BMP8B: variants seen among roughly 807,000 people sequenced by gnomAD.
BMP8B encodes bone morphogenetic protein 8b.
Under a neutral mutation model 30.3 loss-of-function variants are expected in BMP8B, and 17 were observed. The observed-to-expected ratio is 0.56, with a 90% CI of 0.38 to 0.84. The LOEUF is 0.84. Among genes scored for constraint, BMP8B ranks in the 40% least tolerant of loss-of-function variants. The pLI, the probability that BMP8B is intolerant of heterozygous loss-of-function variation, is 0.00. For synonymous variants in BMP8B, 131 were observed against 214.7 expected, an observed-to-expected ratio of 0.61 and a Z score of 3.41; for missense variants, 253 against 494.6, an observed-to-expected ratio of 0.51 and a Z score of 4.63.
intron 4 of BMP8B, among the ~76,000 whole-genome samples, chr1:39,764,106 G>A (rs1474886238): frequency 6.6e-6 from 1 of 151,450 alleles, no homozygotes; most frequent in Non-Finnish European, 1.5e-5. Context: ...CCTCTCTGGA[G>A]ACCCCTGTGA....
chr1:39,781,537 A>C (rs941437829), intron 1 of BMP8B, among the ~76,000 whole-genome samples: 3 of 152,260 alleles, frequency 2.0e-5, no homozygotes, highest in Non-Finnish European at 4.4e-5. Context: ...AGAGCATTAA[A>C]TAAATTAGAC....
At chr1:39,768,220 C>T (rs530502635) in intron 3 of BMP8B, among the ~76,000 whole-genome samples, 1 of 149,746 alleles carries the variant, frequency 6.7e-6, no homozygotes, top group African/African-American at 2.4e-5. Context: ...AGAGGAGGGC[C>T]TAAGTGTCTG....
At position 39,762,425 on chromosome 1, in the gene BMP8B, G is replaced by A. The variant is rs565435175; in HGVS notation, c.1059+667C>T. On this transcript the variant is annotated intron_variant, in intron 6 of 6. Coordinates refer to ENST00000372827, the MANE Select transcript of BMP8B (RefSeq NM_001720.5). ...GATTCTAGGTAAAAAGTTCTAGAAG[G>A]AAGCCTCGGTGCCAGAATCCACAAA... 3.5e-6 allele frequency: 5 copies of A among 1,438,860 alleles called. No homozygotes were observed. In the Admixed American group the frequency reaches 1.4e-4, roughly 40 times the overall value. 89.1% of individuals were successfully genotyped at this position (1,438,860 alleles called of 1,614,324 possible).
chr1:39,776,168 C>G (rs1448400901), intron 1 of BMP8B, among the ~76,000 whole-genome samples: 1 of 152,210 alleles, frequency 6.6e-6, no homozygotes, highest in East Asian at 1.9e-4. Context: ...GGGTAGAGGC[C>G]AGGCTGGAAG....
chr1:39,761,927 A>C (rs1649044098), intron 6 of BMP8B, among the ~76,000 whole-genome samples: 1 of 152,182 alleles, frequency 6.6e-6, no homozygotes, highest in Non-Finnish European at 1.5e-5. Flanking sequence ...TGCTCACTTT[A>C]GTTGAGCCCC....
At chr1:39,774,820 G>A (rs1650106914) in intron 2 of BMP8B, 29 bp downstream of exon 2, 1 of 567,204 alleles carries the variant, frequency 1.8e-6, no homozygotes, top group Non-Finnish European at 2.9e-6. Flanking sequence ...GGGGGGTTAG[G>A]TGGGGCACCC....
In BMP8B at chr1:39,760,386, A is replaced by G; in HGVS notation, c.*33T>C. 1 of 1,611,656 alleles carries G rather than the reference A, an allele frequency of 6.2e-7. No individual in the cohort carries two copies. ...TTCTGAGGGGCCCGATCCAGATGAG[A>G]AGGGTGGCTGCAGCTGGGCCGGGCG... is the stretch of plus-strand genomic sequence containing the variant. On this transcript the variant is annotated 3_prime_UTR_variant, in exon 7 of 7. Coordinates refer to ENST00000372827, the MANE Select transcript of BMP8B (RefSeq NM_001720.5).
At position 39,759,736 on chromosome 1, in the gene BMP8B, A is replaced by G. The variant is rs540074422; in HGVS notation, c.*683T>C. Reference sequence around the variant, plus strand: ...TCCAAAGTAAAATGTCCATGCTCTTACATGTCTTTCCTAGATGGCAGAGGC... The same window carrying G: ...TCCAAAGTAAAATGTCCATGCTCTTGCATGTCTTTCCTAGATGGCAGAGGC... On this transcript the variant is annotated 3_prime_UTR_variant, in exon 7 of 7. Transcript: ENST00000372827. 6.6e-6 allele frequency: 1 copy of G among 152,404 alleles called. No homozygotes were observed. The highest frequency in any genetic ancestry group is 6.5e-5 in the Admixed American group (1 of 15,302). 9.4% of individuals were successfully genotyped at this position (152,404 alleles called of 1,614,324 possible).
At chr1:39,769,359 C>T (rs1649791736) in intron 3 of BMP8B, among the ~76,000 whole-genome samples, 2 of 150,346 alleles carry the variant, frequency 1.3e-5, no homozygotes, top group African/African-American at 4.9e-5. Flanking sequence ...TTTTTATCTC[C>T]ATTTCATGGT....
At chr1:39,765,049 G>GAGCT (rs1249234972) in intron 3 of BMP8B, 1 of 807,058 alleles carries the variant, frequency 1.2e-6, no homozygotes, top group Admixed American at 2.9e-5. Flanking sequence ...GGTGCTCAGT[G>GAGCT]AGCTGCAGGC....
chr1:39,783,925 A>G (rs1381199167), intron 1 of BMP8B, among the ~76,000 whole-genome samples: 1 of 152,150 alleles, frequency 6.6e-6, no homozygotes, highest in South Asian at 2.1e-4. Context: ...ATAAAAACAT[A>G]TTTTTTAAGC....
At chr1:39,762,859 T>A in intron 6 of BMP8B, among the ~76,000 whole-genome samples, 1 of 152,258 alleles carries the variant, frequency 6.6e-6, no homozygotes, top group Non-Finnish European at 1.5e-5. Context: ...CAGGCATGTG[T>A]ACACGACTGT....
At chr1:39,775,292 G>A (rs1316777424) in intron 1 of BMP8B, among the ~76,000 whole-genome samples, 1 of 152,192 alleles carries the variant, frequency 6.6e-6, no homozygotes, top group African/African-American at 2.4e-5. Context: ...GCAGGCCCCA[G>A]GCTCCAAACC....
chr1:39,767,622 CT>C (rs1649700649), intron 3 of BMP8B, among the ~76,000 whole-genome samples: 2 of 97,986 alleles, frequency 2.0e-5, no homozygotes, highest in Non-Finnish European at 4.5e-5. Context: ...GGCTGCCCAG[CT>C]GTGGGCAGGC....
Position 39,760,432 on chromosome 1 carries a change from C to T in BMP8B, c.1196G>A (p.Cys399Tyr), listed in dbSNP as rs754866097. The stretch of plus-strand genomic sequence containing the variant: ...GGGCGGGTGGACTCAGTGGCAGCCG[C>T]AGGCCTTGACCACCATGTTGCGGTG... ...RKHRNMVVKA[C>Y]GCH Residue 399 changes from cysteine (C) to tyrosine (Y), a missense_variant, in exon 7 of 7, where the codon TGC becomes TAC. Physicochemically the swap from Cys to Tyr is radical, Grantham distance 194. Coordinates refer to ENST00000372827, the MANE Select transcript of BMP8B (RefSeq NM_001720.5). 2 of 1,614,012 alleles carry T rather than the reference C, an allele frequency of 1.2e-6. No homozygotes were observed. Among genetic ancestry groups the T allele is most frequent in the Non-Finnish European group, 1.7e-6 (2 of 1,180,016 alleles).
rs1208108594 is a variant in BMP8B, at chr1:39,788,182, C to A, written c.304G>T (p.Ala102Ser). The A allele has an allele frequency of 7.0e-6, 11 of 1,575,722 alleles. No individual in the cohort carries two copies. The highest frequency in any genetic ancestry group is 1.1e-5 in the South Asian group (1 of 89,898). ...TTAACGAAGCTCATGACCAGGTCGGCGCGGCCCAGGCGCCGCTCCGCGGGC... is the reference window on the plus strand; with the variant it reads ...TTAACGAAGCTCATGACCAGGTCGGAGCGGCCCAGGCGCCGCTCCGCGGGC... ...GAPAERRLGRADLVMSFVNMV... is the reference protein window; with the variant it reads ...GAPAERRLGRSDLVMSFVNMV... Residue 102 changes from alanine (A) to serine (S), a missense_variant, in exon 1 of 7, where the codon GCC becomes TCC. Transcript: ENST00000372827. The surrounding 1 kb of genome is among the most constrained non-coding windows in gnomAD (Gnocchi z 5.8).
rs1488234753 is a variant in BMP8B, at chr1:39,758,168, A to G, written c.*2251T>C. 1 of 152,236 alleles carries G rather than the reference A, an allele frequency of 6.6e-6. No homozygotes were observed. The highest frequency in any genetic ancestry group is 1.5e-5 in the Non-Finnish European group (1 of 68,038). 9.4% of individuals were successfully genotyped at this position (152,236 alleles called of 1,614,324 possible). ...GCTAATTTAAAATTTACAATTGCCT[A>G]GAAGACCATCTTTGATGTTAAGAAG... On this transcript the variant is annotated 3_prime_UTR_variant, in exon 7 of 7. Coordinates refer to ENST00000372827, the MANE Select transcript of BMP8B (RefSeq NM_001720.5).
At chr1:39,778,610 GT>G (rs1293011889) in intron 1 of BMP8B, among the ~76,000 whole-genome samples, 6 of 152,036 alleles carry the variant, frequency 3.9e-5, no homozygotes, top group Non-Finnish European at 7.4e-5. Flanking sequence ...TCCATAAATG[GT>G]GCTGCTCTCA....
At position 39,758,037 on chromosome 1, in the gene BMP8B, C is replaced by T. The variant is rs1344352865; in HGVS notation, c.*2382G>A. The T allele has an allele frequency of 6.6e-6, 1 of 152,160 alleles. No individual in the cohort carries two copies. Among genetic ancestry groups the T allele is most frequent in the Admixed American group, 6.5e-5 (1 of 15,280 alleles). The allele number at this position is 152,160 out of a possible 1,614,324, so 9.4% of individuals were successfully genotyped here. A position where few individuals can be genotyped will look rare whatever the true frequency, so the allele number is the denominator to read the frequency against. On this transcript the variant is annotated 3_prime_UTR_variant, in exon 7 of 7. Coordinates refer to ENST00000372827, the MANE Select transcript of BMP8B (RefSeq NM_001720.5). ...TAAGGTGTACTCCATATCTACAAAC[C>T]TTCAGGTAGTTTACAGACATTCTTG...
Sources: allele counts gnomAD v4.1 joint callset (sites outside exome capture counted in the v4.1 genomes callset), GRCh38; gene constraint gnomAD v4.1.1; non-coding constraint Gnocchi (gnomAD v3.1); transcripts MANE v1.5; gene names NCBI Gene and HGNC (gene_info 2026-07-23, HGNC 2026-07-21).